The following PITPNM3 variants were observed in gnomAD, a reference collection of about 807,000 sequenced individuals.
The protein encoded by PITPNM3 is PITPNM family member 3, also known as membrane-associated phosphatidylinositol transfer protein 3.
A neutral mutation model predicts 102.0 loss-of-function variants in PITPNM3; 26 were observed. The ratio of observed to expected loss-of-function variants is 0.25; its 90% CI spans 0.19 to 0.35. The LOEUF is 0.35. Among genes scored for constraint, PITPNM3 ranks in the 10% least tolerant of loss-of-function variants. PITPNM3 has a pLI of 1.00. For synonymous variants in PITPNM3, 578 were observed against 558.6 expected (o/e 1.03, Z -0.49); for missense variants, 1,083 against 1,346.1 (o/e 0.80, Z 3.06).
Position 6,455,249 on chromosome 17 carries a change from G to T in PITPNM3, c.*89C>A. ...CACGGGAGGGAAAAAGCAGGAAAACGCCTGTGTCGGGGAGAGGGCAGCCCC... is the reference window on the plus strand; with the variant it reads ...CACGGGAGGGAAAAAGCAGGAAAACTCCTGTGTCGGGGAGAGGGCAGCCCC... On this transcript the variant is annotated 3_prime_UTR_variant, in exon 20 of 20. Coordinates refer to ENST00000262483, the MANE Select transcript of PITPNM3 (RefSeq NM_031220.4). 3.5e-6 allele frequency: 5 copies of T among 1,431,186 alleles called. No individual in the cohort carries two copies. The highest frequency in any genetic ancestry group is 3.7e-6 in the Non-Finnish European group (4 of 1,073,274). 88.7% of individuals were successfully genotyped at this position (1,431,186 alleles called of 1,614,324 possible).
rs1567670326 is a variant in PITPNM3, at chr17:6,482,032, C to CTG, written c.587+1484_587+1485insCA. 5.0e-4 allele frequency among the ~76,000 whole-genome samples: 38 copies of CTG among 75,588 alleles called. 1 individual carries two copies. Among genetic ancestry groups the CTG allele is most frequent in the Admixed American group, 2.3e-3 (16 of 6,954 alleles). 49.6% of individuals were successfully genotyped at this position (75,588 alleles called of 152,430 possible). ...TCTCTCTCTCTCTCTCTCTCTCTCT[C>CTG]TCTGTCTGTCTCTCTCTCTCTCTCT... On this transcript the variant is annotated intron_variant, in intron 6 of 19. Transcript: ENST00000262483.
At chr17:6,488,211 T>A (rs569379226) in intron 4 of PITPNM3, among the ~76,000 whole-genome samples, 1 of 152,284 alleles carries the variant, frequency 6.6e-6, no homozygotes, top group African/African-American at 2.4e-5. Context: ...CCTACCATGA[T>A]AATTGGGGCC....
Position 6,457,832 on chromosome 17 carries a change from T to G in PITPNM3, c.2491-110A>C. ...GCTTGGGGACCCTTTATGTGCACTC[T>G]GGTAGACTCCAAGCCATGGGGCCAC... On this transcript the variant is annotated intron_variant, in intron 18 of 19. Transcript: ENST00000262483. The surrounding 1 kb of genome is among the most constrained non-coding windows in gnomAD (Gnocchi z 4.7). 7 of 1,412,000 alleles carry G rather than the reference T, an allele frequency of 5.0e-6. No individual in the cohort carries two copies. Among genetic ancestry groups the G allele is most frequent in the Admixed American group, 2.0e-5 (1 of 50,546 alleles). 87.5% of individuals were successfully genotyped at this position (1,412,000 alleles called of 1,614,324 possible). A position where few individuals can be genotyped will look rare whatever the true frequency, so the allele number is the denominator to read the frequency against.
Position 6,498,816 on chromosome 17 carries a change from A to G in PITPNM3, c.274+4711T>C, listed in dbSNP as rs76009319. Among the ~76,000 whole-genome samples the G allele has an allele frequency of 1.2e-4, 19 of 152,256 alleles. No individual in the cohort carries two copies. In the East Asian group the frequency reaches 2.7e-3, roughly 22 times the overall value. ...GGAAGCACAGAAAGAGTGAGGTTCA[A>G]TGGAAACATACAAGATCCCTGAGTC... On this transcript the variant is annotated intron_variant, in intron 4 of 19. Transcript: ENST00000262483.
intron 4 of PITPNM3, among the ~76,000 whole-genome samples, chr17:6,485,483 G>T (rs1174543988): frequency 1.3e-5 from 2 of 152,022 alleles, no homozygotes; most frequent in African/African-American, 4.8e-5. Flanking sequence ...ATACATCTGT[G>T]TATATATCCT....
chr17:6,537,910 A>AC lies in PITPNM3; in HGVS notation c.118+76dup. The AC allele has an allele frequency of 5.7e-6, 7 of 1,224,738 alleles. No homozygotes were observed. Among genetic ancestry groups the AC allele is most frequent in the Non-Finnish European group, 8.3e-6 (7 of 839,206 alleles). The allele number at this position is 1,224,738 out of a possible 1,614,324, so 75.9% of individuals were successfully genotyped here. Reference sequence around the variant, plus strand: ...CACGTCTGAGTGGGGAGGGATGCGGACCCCCAAATGGGATCTTCTTCTTGA... The same window carrying AC: ...CACGTCTGAGTGGGGAGGGATGCGGACCCCCCAAATGGGATCTTCTTCTTGA... On this transcript the variant is annotated intron_variant, in intron 2 of 19. Coordinates refer to ENST00000262483, the MANE Select transcript of PITPNM3 (RefSeq NM_031220.4). The surrounding 1 kb of genome is among the most constrained non-coding windows in gnomAD (Gnocchi z 4.4).
chr17:6,500,160 C>T (rs1907087519), intron 4 of PITPNM3, among the ~76,000 whole-genome samples: 1 of 152,202 alleles, frequency 6.6e-6, no homozygotes, highest in African/African-American at 2.4e-5. Context: ...AAACCTGCAA[C>T]CCCAGACACC....
intron 17 of PITPNM3, among the ~76,000 whole-genome samples, chr17:6,462,591 A>G (rs1263644887): frequency 2.0e-5 from 3 of 152,190 alleles, no homozygotes; most frequent in Non-Finnish European, 2.9e-5. Context: ...GTGCTCTCAC[A>G]GTGCAGTGGG....
Position 6,468,092 on chromosome 17 carries a change from C to T in PITPNM3, c.1890+133G>A, listed in dbSNP as rs960427220. 1.7e-5 allele frequency: 15 copies of T among 869,752 alleles called. No homozygotes were observed. The highest frequency in any genetic ancestry group is 4.8e-5 in the East Asian group (2 of 41,304). The allele number at this position is 869,752 out of a possible 1,614,324, so 53.9% of individuals were successfully genotyped here. A position where few individuals can be genotyped will look rare whatever the true frequency, so the allele number is the denominator to read the frequency against. On this transcript the variant is annotated intron_variant, in intron 14 of 19. Transcript: ENST00000262483. The surrounding 1 kb of genome is among the most constrained non-coding windows in gnomAD (Gnocchi z 5.2). ...CTGGGCTCCATCTGAGTGTGAGCCC[C>T]AGCCTGTTTGGGTGCTGAGCTCTGA... is the stretch of plus-strand genomic sequence containing the variant.
In PITPNM3 at chr17:6,469,975, C is replaced by T. The variant is rs1597366728; in HGVS notation, c.1773+285G>A. Among the ~76,000 whole-genome samples the T allele has an allele frequency of 7.3e-6, 1 of 137,902 alleles. No individual in the cohort carries two copies. Among genetic ancestry groups the T allele is most frequent in the Non-Finnish European group, 1.5e-5 (1 of 65,198 alleles). The allele number at this position is 137,902 out of a possible 152,430, so 90.5% of individuals were successfully genotyped here. ...CAGTGGGGAGTGGGAACTGACTACT[C>T]CAGTCTCCAAGTTGAAACACTGGGA... On this transcript the variant is annotated intron_variant, in intron 13 of 19. Transcript: ENST00000262483. This position sits in a 1 kb window ranked among gnomAD's most constrained non-coding sequence, Gnocchi z 4.0.
chr17:6,463,729 C>A lies in PITPNM3; in HGVS notation c.2306+3G>T. 2.5e-6 allele frequency: 4 copies of A among 1,611,016 alleles called. No homozygotes were observed. Among genetic ancestry groups the A allele is most frequent in the Non-Finnish European group, 3.4e-6 (4 of 1,179,626 alleles). Reference sequence around the variant, plus strand: ...TATAGCCCTCGTGGAAGGTGGCACTCACCGGACAACATCCACTGCACCCGG... The same window carrying A: ...TATAGCCCTCGTGGAAGGTGGCACTAACCGGACAACATCCACTGCACCCGG... On this transcript the variant is annotated splice_donor_region_variant and intron_variant, in intron 17 of 19. Transcript: ENST00000262483.
intron 1 of PITPNM3, among the ~76,000 whole-genome samples, chr17:6,547,484 G>A (rs1910084809): frequency 1.3e-5 from 2 of 152,120 alleles, no homozygotes; most frequent in African/African-American, 4.8e-5. Flanking sequence ...TAAGGAGGAG[G>A]CTCTCTCCTC....
At chr17:6,533,928 G>A (rs763411509) in intron 2 of PITPNM3, among the ~76,000 whole-genome samples, 12 of 152,222 alleles carry the variant, frequency 7.9e-5, no homozygotes, top group Non-Finnish European at 2.9e-5. Context: ...TGTGGACAGA[G>A]TAAATGAATG....
Position 6,470,444 on chromosome 17 carries a change from G to A in PITPNM3, c.1625-36C>T, listed in dbSNP as rs541781032. Reference sequence around the variant, plus strand: ...GAGAGGAAGGTGAGGATGCGTGGCCGGCCCGGGGCCTCACCCGAGGGGCAG... The same window carrying A: ...GAGAGGAAGGTGAGGATGCGTGGCCAGCCCGGGGCCTCACCCGAGGGGCAG... On this transcript the variant is annotated intron_variant, in intron 12 of 19. Coordinates refer to ENST00000262483, the MANE Select transcript of PITPNM3 (RefSeq NM_031220.4). The surrounding 1 kb of genome is among the most constrained non-coding windows in gnomAD (Gnocchi z 4.8). 59 of 1,613,584 alleles carry A rather than the reference G, an allele frequency of 3.7e-5. No individual in the cohort carries two copies. The highest frequency in any genetic ancestry group is 5.0e-5 in the Admixed American group (3 of 60,024).
At chr17:6,508,701 A>G (rs1281162952) in intron 3 of PITPNM3, among the ~76,000 whole-genome samples, 7 of 152,170 alleles carry the variant, frequency 4.6e-5, no homozygotes, top group Non-Finnish European at 1.0e-4. Flanking sequence ...TCTCTCCTGC[A>G]GCGCAGCCTG....
chr17:6,461,238 C>T, intron 18 of PITPNM3, 135 bp downstream of exon 18: 1 of 1,100,462 alleles, frequency 9.1e-7, no homozygotes, highest in Non-Finnish European at 1.3e-6. Flanking sequence ...CTAGAGGGCC[C>T]ATCCAGATCC....
intron 2 of PITPNM3, among the ~76,000 whole-genome samples, chr17:6,536,667 C>A (rs1909451381): frequency 6.6e-6 from 1 of 152,242 alleles, no homozygotes; most frequent in Admixed American, 6.5e-5. Flanking sequence ...AAAGTGAAAG[C>A]CCCGCCAAGG....
Position 6,454,957 on chromosome 17 carries a change from G to C in PITPNM3, c.*381C>G, listed in dbSNP as rs1317974772. The C allele has an allele frequency of 1.2e-5, 3 of 250,472 alleles. No homozygotes were observed. The highest frequency in any genetic ancestry group is 1.9e-4 in the South Asian group (2 of 10,292). 15.5% of individuals were successfully genotyped at this position (250,472 alleles called of 1,614,324 possible). A position where few individuals can be genotyped will look rare whatever the true frequency, so the allele number is the denominator to read the frequency against. On this transcript the variant is annotated 3_prime_UTR_variant, in exon 20 of 20. Transcript: ENST00000262483. ...CCAGCGGCGCTTGGTGCCGAGGCTGGGGCTGCCCCCTTGAGGGCCTGCCTA... is the reference window on the plus strand; with the variant it reads ...CCAGCGGCGCTTGGTGCCGAGGCTGCGGCTGCCCCCTTGAGGGCCTGCCTA...
intron 4 of PITPNM3, among the ~76,000 whole-genome samples, chr17:6,486,855 C>T (rs1160316421): frequency 1.3e-5 from 2 of 152,180 alleles, no homozygotes; most frequent in African/African-American, 4.8e-5. Context: ...TCTCTAGTCC[C>T]CACAATTACT....
Sources: gnomAD v4.1 joint callset for allele counts (sites outside exome capture counted in the v4.1 genomes callset) on GRCh38, gnomAD v4.1.1 for gene constraint, Gnocchi (gnomAD v3.1) non-coding constraint, MANE v1.5 for transcripts, NCBI Gene and HGNC (gene_info 2026-07-23, HGNC 2026-07-21) for gene names.